The following ANO4 variants were observed in gnomAD, a reference collection of about 807,000 sequenced individuals.
ANO4 encodes the protein anoctamin 4, also known as anoctamin-4.
In ANO4, 69 loss-of-function variants were observed where a neutral mutation model predicts 141.9. The ratio of observed to expected loss-of-function variants is 0.49; its 90% CI spans 0.40 to 0.59. ANO4 has a LOEUF of 0.59. Among genes scored for constraint, ANO4 ranks in the 20% least tolerant of loss-of-function variants. The probability of loss-of-function intolerance (pLI) is 0.00; values close to 1 mark genes in which losing one functional copy is unlikely to be tolerated. For missense variants in ANO4, 894 were observed against 1,162.2 expected (o/e 0.77, Z 3.36); for synonymous variants, 350 against 394.3 (o/e 0.89, Z 1.33).
At chr12:100,915,829 C>T (rs951893124) in intron 2 of ANO4, among the ~76,000 whole-genome samples, 4 of 152,098 alleles carry the variant, frequency 2.6e-5, no homozygotes, top group African/African-American at 9.7e-5. Context: ...GTCAAGGTCA[C>T]ATAAAAGTAG....
chr12:101,049,453 T>C (rs962942006), intron 14 of ANO4, among the ~76,000 whole-genome samples: 8 of 151,988 alleles, frequency 5.3e-5, no homozygotes, highest in African/African-American at 1.7e-4. Context: ...TTTATGGTCC[T>C]TGAGGACCAT....
chr12:101,055,278 T>C (rs991612737), intron 14 of ANO4, among the ~76,000 whole-genome samples: 1 of 152,210 alleles, frequency 6.6e-6, no homozygotes, highest in African/African-American at 2.4e-5. Context: ...GCCATATCGT[T>C]TTGTAGTCAA....
chr12:101,065,609 G>A (rs1593172993), intron 14 of ANO4, among the ~76,000 whole-genome samples: 1 of 152,080 alleles, frequency 6.6e-6, no homozygotes, highest in East Asian at 1.9e-4. Context: ...CAAGATAGAA[G>A]CCATACTGAA....
intron 5 of ANO4, among the ~76,000 whole-genome samples, chr12:100,963,247 C>A (rs2043501484): frequency 6.6e-6 from 1 of 152,076 alleles, no homozygotes. Flanking sequence ...TAGGTGACAT[C>A]TAAACCCATT....
intron 1 of ANO4, among the ~76,000 whole-genome samples, chr12:100,894,822 C>T (rs560390480): frequency 4.0e-5 from 6 of 151,536 alleles, no homozygotes; most frequent in South Asian, 2.1e-4. Flanking sequence ...AAAAATTAGC[C>T]GGGCGTGGTG....
chr12:100,953,872 C>G (rs1566051802), intron 5 of ANO4, among the ~76,000 whole-genome samples: 1 of 148,860 alleles, frequency 6.7e-6, no homozygotes, highest in African/African-American at 2.6e-5. Context: ...AGTGGAGTAA[C>G]TGAATGGGGG....
chr12:100,919,975 C>A (rs1490104632), intron 2 of ANO4, among the ~76,000 whole-genome samples: 3 of 151,686 alleles, frequency 2.0e-5, no homozygotes, highest in Non-Finnish European at 4.4e-5. Flanking sequence ...TTTTTGGAAT[C>A]TTTGTTATTA....
chr12:101,054,549 G>A (rs1184938641), intron 14 of ANO4, among the ~76,000 whole-genome samples: 1 of 152,140 alleles, frequency 6.6e-6, no homozygotes, highest in African/African-American at 2.4e-5. Flanking sequence ...CCCCAGGCTG[G>A]AGTGCAGTGG....
intron 14 of ANO4, among the ~76,000 whole-genome samples, chr12:101,064,417 C>A (rs998426738): frequency 1.1e-4 from 16 of 152,062 alleles, no homozygotes; most frequent in African/African-American, 3.9e-4. Context: ...TTATGACCCA[C>A]AGTATGATAT....
At chr12:100,877,833 A>G (rs2039390700) in intron 1 of ANO4, among the ~76,000 whole-genome samples, 1 of 152,140 alleles carries the variant, frequency 6.6e-6, no homozygotes, top group African/African-American at 2.4e-5. Context: ...TCAGAGAAGA[A>G]AGTAACTTGC....
At chr12:101,015,868 A>G (rs2046295973) in intron 8 of ANO4, among the ~76,000 whole-genome samples, 1 of 152,026 alleles carries the variant, frequency 6.6e-6, no homozygotes, top group Non-Finnish European at 1.5e-5. Flanking sequence ...ATGTGTGTGT[A>G]TGAGAGAGAG....
At chr12:100,748,069 T>C (rs2032194433) in intron 3 of ANO4, among the ~76,000 whole-genome samples, 2 of 152,152 alleles carry the variant, frequency 1.3e-5, no homozygotes, top group Non-Finnish European at 2.9e-5. Flanking sequence ...AGATGTTCAC[T>C]CACCTTTCCT....
intron 3 of ANO4, 91 bp from the exon 4 acceptor site, chr12:100,939,224 A>C: frequency 7.6e-7 from 1 of 1,312,726 alleles, no homozygotes; most frequent in Non-Finnish European, 1.0e-6. Context: ...ATGAGAAAAT[A>C]TGAACCCAAA....
intron 22 of ANO4, among the ~76,000 whole-genome samples, chr12:101,100,534 A>G (rs1434681321): frequency 6.6e-6 from 1 of 152,222 alleles, no homozygotes; most frequent in Non-Finnish European, 1.5e-5. Context: ...GACATTAAAA[A>G]TAAAACTTAA....
chr12:100,913,432 C>T (rs1532723), intron 2 of ANO4, among the ~76,000 whole-genome samples: 10,912 of 152,146 alleles, frequency 0.072, 492 homozygotes, highest in African/African-American at 0.12. Context: ...TGTTTTTCAT[C>T]GTTTCAGTTA....
At chr12:100,806,441 A>G (rs1300591210) in intron 1 of ANO4, among the ~76,000 whole-genome samples, 2 of 149,970 alleles carry the variant, frequency 1.3e-5, no homozygotes, top group Admixed American at 6.7e-5. Context: ...TCTATGAGCT[A>G]ACTCTTTGTT....
intron 1 of ANO4, among the ~76,000 whole-genome samples, chr12:100,856,401 C>T (rs1050874692): frequency 2.0e-5 from 3 of 152,078 alleles, no homozygotes; most frequent in Admixed American, 2.0e-4. Flanking sequence ...CTCCCTTTTT[C>T]AAGAAAAATT....
intron 3 of ANO4, among the ~76,000 whole-genome samples, chr12:100,755,042 G>A (rs187547569): frequency 8.5e-5 from 13 of 152,258 alleles, no homozygotes; most frequent in African/African-American, 3.1e-4. Context: ...TTGATGTTAT[G>A]TGCATTTTAT....
intron 3 of ANO4, among the ~76,000 whole-genome samples, chr12:100,777,076 G>A (rs924337320): frequency 6.7e-6 from 1 of 148,928 alleles, no homozygotes; most frequent in Non-Finnish European, 1.5e-5. Context: ...GCCAGGACTA[G>A]AAACCAGATA....
Sources: gnomAD v4.1 joint callset for allele counts (sites outside exome capture counted in the v4.1 genomes callset) on GRCh38, gnomAD v4.1.1 for gene constraint, MANE v1.5 for transcripts, NCBI Gene and HGNC (gene_info 2026-07-23, HGNC 2026-07-21) for gene names.